CADM2: variants seen among roughly 807,000 people sequenced by gnomAD.
CADM2 encodes cell adhesion molecule 2, also known as immunoglobulin superfamily member 4D.
In CADM2, 12 loss-of-function variants were observed where a neutral mutation model predicts 49.8. That is an observed-to-expected ratio of 0.24 (90% CI 0.15 to 0.39). CADM2 has a LOEUF of 0.39. CADM2 is among the 10% of genes least tolerant of loss of function. The pLI is 1.00. For missense variants in CADM2, 378 were observed against 492.3 expected (o/e 0.77, Z 2.20); for synonymous variants, 214 against 175.4 (o/e 1.22, Z -1.74).
intron 1 of CADM2, among the ~76,000 whole-genome samples, chr3:85,065,206 G>C (rs1205225350): frequency 6.6e-6 from 1 of 151,762 alleles, no homozygotes; most frequent in Non-Finnish European, 1.5e-5. Context: ...TGAATATTTT[G>C]CATTTAGTTT....
At chr3:85,449,082 A>AATAATAATAATAAT (rs1553724946) in intron 1 of CADM2, among the ~76,000 whole-genome samples, 10,822 of 112,792 alleles carry the variant, frequency 0.096, 567 homozygotes, top group East Asian at 0.19. Flanking sequence ...ATAATGATAA[A>AATAATAATAATAAT]AATTATATAA....
chr3:85,089,395 TA>T (rs1316655005), intron 1 of CADM2, among the ~76,000 whole-genome samples: 1 of 152,142 alleles, frequency 6.6e-6, no homozygotes, highest in Non-Finnish European at 1.5e-5. Context: ...TTGAGTATTT[TA>T]AACTTGATAC....
intron 3 of CADM2, among the ~76,000 whole-genome samples, chr3:85,808,512 G>A (rs2072602917): frequency 6.6e-6 from 1 of 152,076 alleles, no homozygotes; most frequent in African/African-American, 2.4e-5. Flanking sequence ...AACAATTGAA[G>A]TAGCACAATC....
At chr3:85,754,178 C>T (rs1325858032) in intron 2 of CADM2, among the ~76,000 whole-genome samples, 2 of 152,174 alleles carry the variant, frequency 1.3e-5, no homozygotes, top group Non-Finnish European at 2.9e-5. Context: ...CATTTTGTCT[C>T]TTAATGTGCA....
At chr3:85,744,709 G>A (rs1236759548) in intron 2 of CADM2, among the ~76,000 whole-genome samples, 3 of 151,892 alleles carry the variant, frequency 2.0e-5, no homozygotes, top group Non-Finnish European at 2.9e-5. Context: ...TGCTTGCCAT[G>A]CTTAAGGAGC....
At chr3:86,063,308 A>C (rs1411488421) in intron 8 of CADM2, among the ~76,000 whole-genome samples, 3 of 152,252 alleles carry the variant, frequency 2.0e-5, no homozygotes, top group East Asian at 1.9e-4. Flanking sequence ...GAAGTACTTC[A>C]TGATAATAAA....
intron 6 of CADM2, among the ~76,000 whole-genome samples, chr3:85,931,684 TAAGC>T (rs1720620282): frequency 6.6e-6 from 1 of 152,002 alleles, no homozygotes; most frequent in Non-Finnish European, 1.5e-5. Flanking sequence ...AAGAATTAAA[TAAGC>T]AAGGAATCTC....
At chr3:85,665,164 G>C (rs771372836) in intron 1 of CADM2, among the ~76,000 whole-genome samples, 1 of 151,860 alleles carries the variant, frequency 6.6e-6, no homozygotes. Flanking sequence ...TTTGAAGCCT[G>C]CTTGATTGAA....
chr3:85,654,271 G>A (rs2065135164), intron 1 of CADM2, among the ~76,000 whole-genome samples: 1 of 152,220 alleles, frequency 6.6e-6, no homozygotes, highest in Non-Finnish European at 1.5e-5. Context: ...ATATCCAGCA[G>A]AGGGAGAAAA....
intron 3 of CADM2, among the ~76,000 whole-genome samples, chr3:85,825,424 C>T (rs1481279136): frequency 6.6e-6 from 1 of 151,978 alleles, no homozygotes; most frequent in Non-Finnish European, 1.5e-5. Flanking sequence ...TACCAGAGCC[C>T]AAATAAGTAT....
intron 1 of CADM2, among the ~76,000 whole-genome samples, chr3:85,022,119 A>G (rs2034537378): frequency 1.3e-5 from 2 of 152,202 alleles, no homozygotes; most frequent in Admixed American, 6.5e-5. Flanking sequence ...ATTAGACAAA[A>G]AGAAGAGGGG....
intron 1 of CADM2, among the ~76,000 whole-genome samples, chr3:85,370,236 T>TAATAAC (rs1160107876): frequency 3.4e-5 from 5 of 145,124 alleles, no homozygotes; most frequent in Non-Finnish European, 4.5e-5. Flanking sequence ...ATAATAATAA[T>TAATAAC]AATAATAATA....
At chr3:85,027,109 CTTTTTTTT>C (rs1160735135) in intron 1 of CADM2, among the ~76,000 whole-genome samples, 38 of 55,692 alleles carry the variant, frequency 6.8e-4, no homozygotes, top group East Asian at 2.5e-3. Context: ...TTTCTTTTTC[CTTTTTTTT>C]TTTTTTTTTT....
chr3:85,035,975 G>A (rs2035194313), intron 1 of CADM2, among the ~76,000 whole-genome samples: 1 of 152,164 alleles, frequency 6.6e-6, no homozygotes, highest in Non-Finnish European at 1.5e-5. Context: ...AGAGAGCACA[G>A]TGCTAAGCAT....
At chr3:85,351,215 G>A (rs2031308931) in intron 1 of CADM2, among the ~76,000 whole-genome samples, 1 of 151,990 alleles carries the variant, frequency 6.6e-6, no homozygotes, top group Non-Finnish European at 1.5e-5. Context: ...AAAAAACAAG[G>A]AGGCATCTTT....
chr3:85,591,335 T>C lies in CADM2; in HGVS notation c.62-135187T>C, dbSNP rs572376371. Among the ~76,000 whole-genome samples the C allele has an allele frequency of 4.6e-5, 7 of 152,082 alleles. No individual in the cohort carries two copies. In the South Asian group the frequency reaches 1.0e-3, roughly 23 times the overall value. On this transcript the variant is annotated intron_variant, in intron 1 of 9. Coordinates refer to ENST00000383699, the MANE Select transcript of CADM2 (RefSeq NM_001167675.2). ...GGAAGTCTGGACAAGTGGGAGTATA[T>C]TTAAAATGCAAATATTATACTTGAG...
At chr3:85,881,759 C>T (rs939609213) in intron 3 of CADM2, among the ~76,000 whole-genome samples, 3 of 152,136 alleles carry the variant, frequency 2.0e-5, no homozygotes, top group African/African-American at 7.2e-5. Flanking sequence ...CGGTCCCCAA[C>T]CTTTTTGGCA....
At chr3:85,800,693 A>C (rs2071963716) in intron 2 of CADM2, 1 of 152,496 alleles carries the variant, frequency 6.6e-6, no homozygotes, top group Admixed American at 6.5e-5. Flanking sequence ...TCCTGGGTGA[A>C]GTGACACACC....
intron 1 of CADM2, among the ~76,000 whole-genome samples, chr3:85,124,788 C>A (rs1165594623): frequency 6.6e-6 from 1 of 152,072 alleles, no homozygotes; most frequent in Admixed American, 6.6e-5. Context: ...CAACCCAAAG[C>A]TTATATTACA....
Sources: gnomAD v4.1 joint callset for allele counts (sites outside exome capture counted in the v4.1 genomes callset) on GRCh38, gnomAD v4.1.1 for gene constraint, MANE v1.5 for transcripts, NCBI Gene and HGNC (gene_info 2026-07-23, HGNC 2026-07-21) for gene names.